NYAP2: variants seen among roughly 807,000 people sequenced by gnomAD.
NYAP2 encodes the protein neuronal tyrosine-phosphorylated phosphoinositide-3-kinase adapter 2.
In NYAP2, 23 loss-of-function variants were observed where a neutral mutation model predicts 50.4. That is an observed-to-expected ratio of 0.46 (90% CI 0.33 to 0.65). The LOEUF (loss-of-function observed/expected upper bound fraction) is 0.65, where lower values mean the gene tolerates loss of function less well. NYAP2 is among the 30% of genes least tolerant of loss of function. NYAP2 has a pLI of 0.02. For synonymous variants in NYAP2, 394 were observed against 365.2 expected (o/e 1.08, Z -0.90); for missense variants, 885 against 861.0 (o/e 1.03, Z -0.35).
At chr2:225,513,760 C>T in intron 4 of NYAP2, 88 bp downstream of exon 4, 1 of 1,035,368 alleles carries the variant, frequency 9.7e-7, no homozygotes, top group Non-Finnish European at 1.3e-6. Flanking sequence ...GCCTTCTTCA[C>T]TGGGCCACAT....
chr2:225,651,271 T>C (rs1693726447), intron 6 of NYAP2, among the ~76,000 whole-genome samples, 161 bp from the exon 7 acceptor site: 1 of 152,346 alleles, frequency 6.6e-6, no homozygotes, highest in Non-Finnish European at 1.5e-5. Flanking sequence ...TAGAGTCAAC[T>C]GCCATGAAAG....
At chr2:225,527,754 C>T (rs149189878) in intron 4 of NYAP2, among the ~76,000 whole-genome samples, 247 of 152,196 alleles carry the variant, frequency 1.6e-3, no homozygotes, top group African/African-American at 5.7e-3. Flanking sequence ...CTCAAGCAAT[C>T]GTCCCACCTC....
At chr2:225,557,134 T>C (rs936371707) in intron 4 of NYAP2, among the ~76,000 whole-genome samples, 1 of 152,212 alleles carries the variant, frequency 6.6e-6, no homozygotes, top group African/African-American at 2.4e-5. Flanking sequence ...ATTATCTACA[T>C]GGGAAATGTC....
In NYAP2 at chr2:225,644,759, C is replaced by T. The variant is rs1218471440; in HGVS notation, c.1829-6673C>T. Among the ~76,000 whole-genome samples, 35 of 147,622 alleles carry T rather than the reference C, an allele frequency of 2.4e-4. No homozygotes were observed. In the East Asian group the frequency reaches 3.6e-3, roughly 15 times the overall value. On this transcript the variant is annotated intron_variant, in intron 6 of 6. Transcript: ENST00000636099. ...CAAAGATCAGATAGTTGTAGATATG[C>T]GGCGTTATTTCTGAGGGCTCTGTTC... is the stretch of plus-strand genomic sequence containing the variant.
At chr2:225,446,750 T>A (rs72974552) in intron 3 of NYAP2, among the ~76,000 whole-genome samples, 1,985 of 152,246 alleles carry the variant, frequency 0.013, 18 homozygotes, top group Admixed American at 0.024. Context: ...AAACAGTCTG[T>A]AAACAGCAGC....
Position 225,511,373 on chromosome 2 carries a change from C to CAG in NYAP2, c.222-1979_222-1978dup, listed in dbSNP as rs67828728. Reference sequence around the variant, plus strand: ...ACACACACACACACACACACACACACAGAGAGAGAGAGAGAGAGAGGATAA... The same window carrying CAG: ...ACACACACACACACACACACACACACAGAGAGAGAGAGAGAGAGAGAGGATAA... On this transcript the variant is annotated intron_variant, in intron 3 of 6. Coordinates refer to ENST00000636099, the Ensembl canonical transcript of NYAP2. Among the ~76,000 whole-genome samples, 231 of 117,824 alleles carry CAG rather than the reference C, an allele frequency of 2.0e-3. 1 individual carries two copies. The highest frequency in any genetic ancestry group is 6.1e-3 in the African/African-American group (182 of 30,062). 77.3% of individuals were successfully genotyped at this position (117,824 alleles called of 152,430 possible). A position where few individuals can be genotyped will look rare whatever the true frequency, so the allele number is the denominator to read the frequency against.
intron 4 of NYAP2, among the ~76,000 whole-genome samples, chr2:225,540,227 C>T (rs1054075731): frequency 2.6e-5 from 4 of 152,170 alleles, no homozygotes; most frequent in Non-Finnish European, 4.4e-5. Flanking sequence ...GTTCCAAAGT[C>T]GCTTCCACTT....
chr2:225,555,882 A>T (rs1327912958), intron 4 of NYAP2, among the ~76,000 whole-genome samples: 1 of 152,166 alleles, frequency 6.6e-6, no homozygotes, highest in Non-Finnish European at 1.5e-5. Context: ...TTGGGCATTG[A>T]ACATCTAAAT....
chr2:225,629,959 C>T (rs1274649851), intron 6 of NYAP2, among the ~76,000 whole-genome samples: 1 of 152,186 alleles, frequency 6.6e-6, no homozygotes, highest in Non-Finnish European at 1.5e-5. Flanking sequence ...GTTAGTTCTT[C>T]CTGGGGCAGA....
At chr2:225,538,365 T>C (rs2106201588) in intron 4 of NYAP2, among the ~76,000 whole-genome samples, 1 of 152,360 alleles carries the variant, frequency 6.6e-6, no homozygotes, top group Non-Finnish European at 1.5e-5. Context: ...ATACATCTTC[T>C]GAAAACTAGG....
chr2:225,533,720 A>G (rs1037717461), intron 4 of NYAP2, among the ~76,000 whole-genome samples: 2 of 152,162 alleles, frequency 1.3e-5, no homozygotes, highest in African/African-American at 4.8e-5. Context: ...ATGAAATTCA[A>G]ATTAGAGATA....
At position 225,561,077 on chromosome 2, in the gene NYAP2, T is replaced by C. The variant is rs1049975326; in HGVS notation, c.524-20864T>C. Among the ~76,000 whole-genome samples, 8 of 152,132 alleles carry C rather than the reference T, an allele frequency of 5.3e-5. No homozygotes were observed. In the East Asian group the frequency reaches 1.6e-3, roughly 30 times the overall value. ...AGTCTCTACTATCGTGGAACTTATG[T>C]TCTCGTGGGAAGAGGCAGCGATATT... On this transcript the variant is annotated intron_variant, in intron 4 of 6. Coordinates refer to ENST00000636099, the Ensembl canonical transcript of NYAP2.
At chr2:225,521,450 C>G (rs959589852) in intron 4 of NYAP2, among the ~76,000 whole-genome samples, 3 of 151,804 alleles carry the variant, frequency 2.0e-5, no homozygotes, top group Non-Finnish European at 4.4e-5. Flanking sequence ...TACATCCCAT[C>G]AATACCTAAT....
intron 3 of NYAP2, among the ~76,000 whole-genome samples, chr2:225,473,129 G>A (rs1263022297): frequency 2.6e-5 from 4 of 152,190 alleles, no homozygotes; most frequent in African/African-American, 9.7e-5. Flanking sequence ...CCCTACAAAG[G>A]ACATGAACTC....
chr2:225,631,350 A>G lies in NYAP2; in HGVS notation c.1828+4224A>G, dbSNP rs548882991. On this transcript the variant is annotated intron_variant, in intron 6 of 6. Coordinates refer to ENST00000636099, the Ensembl canonical transcript of NYAP2. ...TAAAATCTGCCCTCCTGAGGTTTTT[A>G]GTGTTGTTTGTAGAGCAGGAAATTG... Among the ~76,000 whole-genome samples, 6 of 152,264 alleles carry G rather than the reference A, an allele frequency of 3.9e-5. No homozygotes were observed. The South Asian group carries it at 1.2e-3, about 32-fold the overall frequency.
intron 4 of NYAP2, among the ~76,000 whole-genome samples, chr2:225,547,954 G>A (rs1246865361): frequency 6.6e-6 from 1 of 152,028 alleles, no homozygotes; most frequent in Non-Finnish European, 1.5e-5. Context: ...TATATTTCCT[G>A]AAGCTCACTA....
intron 3 of NYAP2, among the ~76,000 whole-genome samples, chr2:225,433,248 A>T (rs867697112): frequency 1.5e-3 from 227 of 152,146 alleles, no homozygotes; most frequent in African/African-American, 5.2e-3. Flanking sequence ...CTTACTCAGG[A>T]GGCTAAGACA....
intron 5 of NYAP2, among the ~76,000 whole-genome samples, chr2:225,621,824 T>A (rs141689162): frequency 6.6e-6 from 1 of 152,230 alleles, no homozygotes; most frequent in East Asian, 1.9e-4. Flanking sequence ...ATTTTACTTA[T>A]GATAACATCC....
chr2:225,432,023 G>A (rs1404193775), intron 3 of NYAP2, among the ~76,000 whole-genome samples: 2 of 152,044 alleles, frequency 1.3e-5, no homozygotes, highest in East Asian at 3.9e-4. Context: ...AGGCCGGAGT[G>A]CAGTGGCACG....
Sources: allele counts gnomAD v4.1 joint callset (sites outside exome capture counted in the v4.1 genomes callset), GRCh38; gene constraint gnomAD v4.1.1; transcripts MANE v1.5; gene names NCBI Gene and HGNC (gene_info 2026-07-23, HGNC 2026-07-21).